Variants in DPP10 observed in about 807,000 individuals in gnomAD.
DPP10 encodes the protein dipeptidyl peptidase like 10, also known as inactive dipeptidyl peptidase 10.
DPP10 carries 33 observed loss-of-function variants against 120.9 expected under a neutral mutation model. The ratio of observed to expected loss-of-function variants is 0.27; its 90% confidence interval spans 0.21 to 0.37. DPP10 has a LOEUF of 0.37. DPP10 is among the 10% of genes least tolerant of loss of function. DPP10 has a pLI of 1.00. For missense variants in DPP10, 816 were observed against 942.8 expected (o/e 0.87, Z 1.76); for synonymous variants, 337 against 326.1 (o/e 1.03, Z -0.36).
chr2:114,996,429 T>C (rs1701087784), intron 1 of DPP10, among the ~76,000 whole-genome samples: 1 of 152,148 alleles, frequency 6.6e-6, no homozygotes, highest in Non-Finnish European at 1.5e-5. Context: ...AACCCAGACA[T>C]TTACTTTTTA....
intron 1 of DPP10, chr2:115,162,019 G>A (rs903460849): frequency 7.2e-7 from 1 of 1,386,410 alleles, no homozygotes; most frequent in Admixed American, 3.8e-5. Context: ...AGGCGCAGCC[G>A]GCGGACCAGG....
At position 115,321,310 on chromosome 2, in the gene DPP10, G is replaced by T. The variant is rs566189733; in HGVS notation, c.175+11957G>T. The stretch of plus-strand genomic sequence containing the variant: ...GAGTGAAACCCCATCTCAAAAGAAA[G>T]AAAGAAAGGAAGCTCTTTTCTTTAA... On this transcript the variant is annotated intron_variant, in intron 2 of 25. Coordinates refer to ENST00000410059, the MANE Select transcript of DPP10 (RefSeq NM_020868.6). Among the ~76,000 whole-genome samples the T allele has an allele frequency of 3.3e-5, 5 of 152,138 alleles. No individual in the cohort carries two copies. The South Asian group carries it at 1.0e-3, about 32-fold the overall frequency.
intron 1 of DPP10, among the ~76,000 whole-genome samples, chr2:115,289,114 A>G (rs1166945489): frequency 6.6e-6 from 1 of 152,148 alleles, no homozygotes; most frequent in Non-Finnish European, 1.5e-5. Context: ...TACAAAATCT[A>G]TGTGAAGAAA....
intron 1 of DPP10, among the ~76,000 whole-genome samples, chr2:114,556,234 CATATATATATATATATATAT>C (rs56772742): frequency 3.2e-4 from 28 of 86,952 alleles, no homozygotes; most frequent in East Asian, 1.2e-3. Flanking sequence ...ATAGATGATA[CATATATATATATATATATAT>C]ATATATATAT....
chr2:115,687,421 A>T (rs565250058), intron 5 of DPP10, among the ~76,000 whole-genome samples: 1 of 152,168 alleles, frequency 6.6e-6, no homozygotes, highest in African/African-American at 2.4e-5. Flanking sequence ...CTAAACTCAG[A>T]GTAAAGGGCT....
intron 1 of DPP10, among the ~76,000 whole-genome samples, chr2:114,509,016 AAG>A (rs374283145): frequency 3.4e-4 from 51 of 149,648 alleles, no homozygotes; most frequent in South Asian, 4.2e-4. Flanking sequence ...GAGAGTGAGA[AAG>A]AGAGAGAGAG....
At chr2:114,632,849 T>C (rs988476795) in intron 1 of DPP10, among the ~76,000 whole-genome samples, 1 of 152,130 alleles carries the variant, frequency 6.6e-6, no homozygotes, top group African/African-American at 2.4e-5. Context: ...TTCAATTAAT[T>C]ACCATTGTGA....
chr2:114,648,919 T>C (rs1427977907), intron 1 of DPP10, among the ~76,000 whole-genome samples: 2 of 152,206 alleles, frequency 1.3e-5, no homozygotes, highest in Non-Finnish European at 2.9e-5. Context: ...CCAAATTTTC[T>C]CCAATCCTTT....
chr2:115,364,223 A>C (rs2064952503), intron 3 of DPP10, among the ~76,000 whole-genome samples: 1 of 151,962 alleles, frequency 6.6e-6, no homozygotes. Flanking sequence ...TCTGTTTTGA[A>C]ATTCCAATTG....
chr2:114,807,294 A>T (rs1684817254), intron 1 of DPP10, among the ~76,000 whole-genome samples: 1 of 152,114 alleles, frequency 6.6e-6, no homozygotes, highest in South Asian at 2.1e-4. Flanking sequence ...AGTTGTATGT[A>T]TTTGGGGGGT....
At chr2:114,805,146 ACCT>A (rs1684614774) in intron 1 of DPP10, among the ~76,000 whole-genome samples, 1 of 151,638 alleles carries the variant, frequency 6.6e-6, no homozygotes, top group African/African-American at 2.4e-5. Context: ...AGTGCCTTTC[ACCT>A]CCTGCCATGA....
rs185595881 is a variant in DPP10 at position 114,876,122 on chromosome 2, T to G, written c.61-433117T>G. On this transcript the variant is annotated intron_variant, in intron 1 of 25. Coordinates refer to ENST00000410059, the MANE Select transcript of DPP10 (RefSeq NM_020868.6). ...TATGAATGATATAAAATAGAGAATA[T>G]AGTATAATGAAAAGGCACAGCAAAT... Among the ~76,000 whole-genome samples, 3 of 152,204 alleles carry G rather than the reference T, an allele frequency of 2.0e-5. No homozygotes were observed. The East Asian group carries it at 5.8e-4, about 29-fold the overall frequency.
At chr2:115,458,002 A>C (rs2073713119) in intron 3 of DPP10, among the ~76,000 whole-genome samples, 1 of 152,284 alleles carries the variant, frequency 6.6e-6, no homozygotes, top group South Asian at 2.1e-4. Flanking sequence ...TGTGGCTACT[A>C]TAAGATGGAT....
chr2:115,379,532 T>G (rs991274065), intron 3 of DPP10, among the ~76,000 whole-genome samples: 1 of 152,014 alleles, frequency 6.6e-6, no homozygotes, highest in African/African-American at 2.4e-5. Flanking sequence ...TTTTGAAGGG[T>G]TTTTTGTGTC....
chr2:114,902,706 C>T (rs1376856577), intron 1 of DPP10, among the ~76,000 whole-genome samples: 1 of 152,178 alleles, frequency 6.6e-6, no homozygotes, highest in Non-Finnish European at 1.5e-5. Context: ...TTCCCTGATA[C>T]TACGAGCTCG....
chr2:114,558,397 TCTA>T (rs1226128919), intron 1 of DPP10, among the ~76,000 whole-genome samples: 1 of 152,246 alleles, frequency 6.6e-6, no homozygotes, highest in African/African-American at 2.4e-5. Flanking sequence ...TTCTGCTCTC[TCTA>T]CTACAAAGCC....
At chr2:114,464,590 G>T (rs1320933595) in intron 1 of DPP10, among the ~76,000 whole-genome samples, 1 of 152,120 alleles carries the variant, frequency 6.6e-6, no homozygotes, top group African/African-American at 2.4e-5. Flanking sequence ...CAGAACAAAG[G>T]TTTTTAATTT....
intron 4 of DPP10, among the ~76,000 whole-genome samples, chr2:115,523,596 G>C (rs180904257): frequency 6.6e-6 from 1 of 151,930 alleles, no homozygotes; most frequent in Non-Finnish European, 1.5e-5. Flanking sequence ...ACATAACAGC[G>C]TACCATTTCA....
At position 115,517,740 on chromosome 2, in the gene DPP10, T is replaced by C. The variant is rs956736308; in HGVS notation, c.367-8158T>C. ...GAGACAAAAGCTGCAATTAATCCAA[T>C]TCAAGAGAGAAAATGATAAGGATAG... On this transcript the variant is annotated intron_variant, in intron 4 of 25. Transcript: ENST00000410059. 7.2e-5 allele frequency among the ~76,000 whole-genome samples: 11 copies of C among 152,278 alleles called. No homozygotes were observed. In the East Asian group the frequency reaches 2.1e-3, roughly 29 times the overall value.
Sources: allele counts gnomAD v4.1 joint callset (sites outside exome capture counted in the v4.1 genomes callset), GRCh38; gene constraint gnomAD v4.1.1; transcripts MANE v1.5; gene names NCBI Gene and HGNC (gene_info 2026-07-23, HGNC 2026-07-21).